PACS1: variants seen among roughly 807,000 people sequenced by gnomAD.
PACS1 encodes the protein PACS-1.
A neutral mutation model predicts 115.0 loss-of-function variants in PACS1; 24 were observed. The ratio of observed to expected loss-of-function variants is 0.21; its 90% CI spans 0.15 to 0.29. The LOEUF is 0.29. PACS1 is among the 10% of genes least tolerant of loss of function. The pLI is 1.00. For synonymous variants in PACS1, 453 were observed against 504.5 expected, an observed-to-expected ratio of 0.90 and a Z score of 1.37; for missense variants, 838 against 1,251.2, an observed-to-expected ratio of 0.67 and a Z score of 4.98.
chr11:66,243,138 T>A (rs926920619), intron 23 of PACS1, 27 bp from the exon 24 acceptor site: 1 of 1,611,584 alleles, frequency 6.2e-7, no homozygotes, highest in Admixed American at 1.7e-5. Context: ...AGCAGTCTGG[T>A]CACCCCTCCT....
At chr11:66,226,209 T>C (rs1202107242) in intron 10 of PACS1, among the ~76,000 whole-genome samples, 1 of 152,108 alleles carries the variant, frequency 6.6e-6, no homozygotes, top group African/African-American at 2.4e-5. Flanking sequence ...GCTGATCATA[T>C]AGAGAAGGTG....
Position 66,180,619 on chromosome 11 carries a change from C to G in PACS1, c.357-12867C>G, listed in dbSNP as rs982050586. Reference sequence around the variant, plus strand: ...CCGCCTACCTCAGCCTCCCAAAGTGCTGGAATTACAGGCGTGCGCCACCGC... The same window carrying G: ...CCGCCTACCTCAGCCTCCCAAAGTGGTGGAATTACAGGCGTGCGCCACCGC... On this transcript the variant is annotated intron_variant, in intron 1 of 23. Transcript: ENST00000320580. Among the ~76,000 whole-genome samples, 2 of 152,226 alleles carry G rather than the reference C, an allele frequency of 1.3e-5. 1 individual carries two copies. Among genetic ancestry groups the G allele is most frequent in the South Asian group, 4.2e-4 (2 of 4,814 alleles).
At chr11:66,217,810 T>C (rs780226227) in intron 7 of PACS1, 1 of 326,182 alleles carries the variant, frequency 3.1e-6, no homozygotes, top group Non-Finnish European at 6.1e-6. Context: ...AGGATCTCTC[T>C]CTAGTCAGCC....
chr11:66,215,447 T>G (rs1855178860), intron 4 of PACS1, among the ~76,000 whole-genome samples: 1 of 150,624 alleles, frequency 6.6e-6, no homozygotes, highest in South Asian at 2.1e-4. Flanking sequence ...TACATAAAAT[T>G]TAAAAATTAG....
At chr11:66,155,765 T>C (rs1183161257) in intron 1 of PACS1, among the ~76,000 whole-genome samples, 2 of 152,142 alleles carry the variant, frequency 1.3e-5, no homozygotes, top group East Asian at 3.9e-4. Flanking sequence ...ACGCAGAGGC[T>C]TCTCCATGAG....
Position 66,239,206 on chromosome 11 carries a change from G to C in PACS1, c.2358G>C (p.Ser786=). ...CCTCCACATCACCACCCTCCAGCTC[G>C]GGCCTGAGCCGAGACGCCACGGCCA... ...TVPSTSPPSS[S]GLSRDATATP... Residue 786 remains serine, a synonymous_variant, in exon 21 of 24, where the codon TCG becomes TCC. Transcript: ENST00000320580. The C allele has an allele frequency of 6.2e-7, 1 of 1,614,030 alleles. No homozygotes were observed.
intron 10 of PACS1, among the ~76,000 whole-genome samples, chr11:66,223,619 C>T (rs1590831577): frequency 6.6e-6 from 1 of 152,076 alleles, no homozygotes; most frequent in Non-Finnish European, 1.5e-5. Context: ...TCCCTCTTAA[C>T]TATATGGGAT....
At position 66,070,322 on chromosome 11, in the gene PACS1, G is replaced by T. The variant is rs892512205; in HGVS notation, c.-165G>T. 3 of 226,906 alleles carry T rather than the reference G, an allele frequency of 1.3e-5. No individual in the cohort carries two copies. The highest frequency in any genetic ancestry group is 2.4e-4 in the East Asian group (2 of 8,262). The allele number at this position is 226,906 out of a possible 1,614,324, so 14.1% of individuals were successfully genotyped here. ...ACAGGCAGCGGCGGTCGAGCGCGAG[G>T]CCCGCGCGCCCAGAGGCCCCGCGCG... On this transcript the variant is annotated 5_prime_UTR_variant, in exon 1 of 24. Transcript: ENST00000320580. The surrounding 1 kb of genome is among the most constrained non-coding windows in gnomAD (Gnocchi z 5.9).
chr11:66,079,246 ATCTG>A (rs908418652), intron 1 of PACS1, among the ~76,000 whole-genome samples: 2 of 140,754 alleles, frequency 1.4e-5, no homozygotes, highest in Admixed American at 7.3e-5. Flanking sequence ...GCACTTCTGT[ATCTG>A]TCTGTGAGTT....
At chr11:66,129,841 T>C (rs1858663164) in intron 1 of PACS1, among the ~76,000 whole-genome samples, 1 of 152,206 alleles carries the variant, frequency 6.6e-6, no homozygotes, top group African/African-American at 2.4e-5. Context: ...TCCATGTGTC[T>C]GCCATCCAAA....
chr11:66,134,147 G>T (rs933458786), intron 1 of PACS1, among the ~76,000 whole-genome samples: 3 of 151,204 alleles, frequency 2.0e-5, no homozygotes, highest in African/African-American at 7.3e-5. Flanking sequence ...CCATCCCCTT[G>T]TGCGGAGTCC....
chr11:66,174,344 A>G (rs907851974), intron 1 of PACS1, among the ~76,000 whole-genome samples: 1 of 22,690 alleles, frequency 4.4e-5, no homozygotes, highest in Non-Finnish European at 9.5e-5. Context: ...TGGCATAGCC[A>G]CTTTGGAAAA....
At position 66,227,934 on chromosome 11, in the gene PACS1, A is replaced by C. The variant is rs150972943; in HGVS notation, c.1374+350A>C. Among the ~76,000 whole-genome samples the C allele has an allele frequency of 3.8e-3, 576 of 152,298 alleles. 5 individuals carry two copies. The highest frequency in any genetic ancestry group is 0.013 in the African/African-American group (549 of 41,544). Reference sequence around the variant, plus strand: ...GATGTTGCTGTTTCCGTGGCCAGGCAACCCACAACATTCAGTCTCTGACTG... The same window carrying C: ...GATGTTGCTGTTTCCGTGGCCAGGCCACCCACAACATTCAGTCTCTGACTG... On this transcript the variant is annotated intron_variant, in intron 11 of 23. Coordinates refer to ENST00000320580, the MANE Select transcript of PACS1 (RefSeq NM_018026.4).
At chr11:66,106,223 A>G (rs907554404) in intron 1 of PACS1, among the ~76,000 whole-genome samples, 6 of 152,164 alleles carry the variant, frequency 3.9e-5, no homozygotes, top group African/African-American at 1.4e-4. Context: ...TGAGCCCAGG[A>G]GTTCAAGACC....
intron 19 of PACS1, among the ~76,000 whole-genome samples, chr11:66,237,798 G>A (rs1855734036): frequency 6.6e-6 from 1 of 152,232 alleles, no homozygotes; most frequent in African/African-American, 2.4e-5. Context: ...AAGGAGAGAA[G>A]GGGAGTTGTA....
In PACS1 at chr11:66,070,972, C is replaced by G; in HGVS notation, c.356+130C>G. The G allele has an allele frequency of 3.1e-6, 3 of 955,376 alleles. No individual in the cohort carries two copies. Among genetic ancestry groups the G allele is most frequent in the Non-Finnish European group, 4.2e-6 (3 of 708,822 alleles). The allele number at this position is 955,376 out of a possible 1,614,324, so 59.2% of individuals were successfully genotyped here. On this transcript the variant is annotated intron_variant, in intron 1 of 23. Transcript: ENST00000320580. The surrounding 1 kb of genome is among the most constrained non-coding windows in gnomAD (Gnocchi z 5.9). ...GACTGTCCCGCGGCCCGGCCTGGCT[C>G]CAGCCAGGCCTCCCGGGACTCCTGC... is the stretch of plus-strand genomic sequence containing the variant.
chr11:66,147,407 A>C (rs1376486173), intron 1 of PACS1, among the ~76,000 whole-genome samples: 1 of 152,212 alleles, frequency 6.6e-6, no homozygotes, highest in Non-Finnish European at 1.5e-5. Context: ...ACAAGACTAA[A>C]GGAAGAACAC....
rs913831874 is a variant in PACS1, at chr11:66,133,815, G to A, written c.357-59671G>A. Among the ~76,000 whole-genome samples the A allele has an allele frequency of 4.6e-5, 7 of 152,042 alleles. 1 individual carries two copies. Among genetic ancestry groups the A allele is most frequent in the African/African-American group, 1.7e-4 (7 of 41,388 alleles). ...CCACTGCGCCCAGCCAGACTTTTTTGTTAAATGTACCTTAAAGCAATGCTT... is the reference window on the plus strand; with the variant it reads ...CCACTGCGCCCAGCCAGACTTTTTTATTAAATGTACCTTAAAGCAATGCTT... On this transcript the variant is annotated intron_variant, in intron 1 of 23. Transcript: ENST00000320580.
At chr11:66,127,665 G>A (rs544821624) in intron 1 of PACS1, among the ~76,000 whole-genome samples, 6 of 152,308 alleles carry the variant, frequency 3.9e-5, no homozygotes, top group Non-Finnish European at 5.9e-5. Context: ...AGCGGCTCAA[G>A]GACTGCTTGT....
Sources: allele counts gnomAD v4.1 joint callset (sites outside exome capture counted in the v4.1 genomes callset), GRCh38; gene constraint gnomAD v4.1.1; non-coding constraint Gnocchi (gnomAD v3.1); transcripts MANE v1.5; gene names NCBI Gene and HGNC (gene_info 2026-07-23, HGNC 2026-07-21).